STOML1: variants seen among roughly 807,000 people sequenced by gnomAD.
STOML1 encodes stomatin like 1, also known as stomatin-like protein 1.
In STOML1, 27 loss-of-function variants were observed where a neutral mutation model predicts 35.7. The ratio of observed to expected loss-of-function variants is 0.76; its 90% CI spans 0.56 to 1.04. STOML1 has a LOEUF of 1.04. Among genes scored for constraint, STOML1 ranks in the 50% least tolerant of loss-of-function variants. STOML1 has a pLI of 0.00. For synonymous variants in STOML1, 219 were observed against 227.9 expected (o/e 0.96, Z 0.35); for missense variants, 451 against 527.1 (o/e 0.86, Z 1.41).
upstream of STOML1, among the ~76,000 whole-genome samples, chr15:73,993,025 G>A (rs78007107): frequency 0.022 from 3,291 of 152,294 alleles, 111 homozygotes; most frequent in African/African-American, 0.074. Context: ...GTAATGGCCT[G>A]GCCAGGTCAC....
At chr15:73,986,325 G>C (rs148429867) in intron 4 of STOML1, 4 of 151,896 alleles carry the variant, frequency 2.6e-5, no homozygotes, top group African/African-American at 9.7e-5. Flanking sequence ...ACACACGGGG[G>C]TGGGAAGGGA....
Position 73,982,607 on chromosome 15 carries a change from T to G in STOML1, c.*1330A>C, listed in dbSNP as rs7174985. On this transcript the variant is annotated 3_prime_UTR_variant, in exon 7 of 7. Transcript: ENST00000541638. ...GCACCCAGGAAGGGCAGAGACCCCT[T>G]GGGGGAGAGGGAAGTTGCGGTGCCA... is the stretch of plus-strand genomic sequence containing the variant. 57,449 of 152,414 alleles carry G rather than the reference T, an allele frequency of 0.38. 11,396 individuals are homozygous for G. The highest frequency in any genetic ancestry group is 0.49 in the African/African-American group (20,223 of 41,486). 9.4% of individuals were successfully genotyped at this position (152,414 alleles called of 1,614,324 possible).
Position 73,984,138 on chromosome 15 carries a change from G to T in STOML1, c.1004-8C>A. On this transcript the variant is annotated splice_polypyrimidine_tract_variant and splice_region_variant and intron_variant, in intron 6 of 6. Coordinates refer to ENST00000541638, the MANE Select transcript of STOML1 (RefSeq NM_004809.5). Reference sequence around the variant, plus strand: ...GTCCCACTCTTCCTCGTCCTGTGGGGCAAAAGAAAACCGAGTGTCAGTAGG... The same window carrying T: ...GTCCCACTCTTCCTCGTCCTGTGGGTCAAAAGAAAACCGAGTGTCAGTAGG... The T allele has an allele frequency of 6.2e-7, 1 of 1,604,772 alleles. No homozygotes were observed. Among genetic ancestry groups the T allele is most frequent in the African/African-American group, 1.3e-5 (1 of 74,864 alleles).
At position 73,979,386 on chromosome 15, in the gene STOML1, C is replaced by G. The variant is rs1182330360; in HGVS notation, c.*4551G>C. 2.0e-5 allele frequency: 3 copies of G among 152,184 alleles called. No homozygotes were observed. Among genetic ancestry groups the G allele is most frequent in the African/African-American group, 7.2e-5 (3 of 41,442 alleles). The allele number at this position is 152,184 out of a possible 1,614,324, so 9.4% of individuals were successfully genotyped here. A position where few individuals can be genotyped will look rare whatever the true frequency, so the allele number is the denominator to read the frequency against. On this transcript the variant is annotated 3_prime_UTR_variant, in exon 7 of 7. Transcript: ENST00000541638. ...TTTAATTTTGAGATGGAGTCTCACT[C>G]TGTTGCCCAGGCTAAAGTGCAGTGG...
Position 73,984,813 on chromosome 15 carries a change from C to T in STOML1, c.849G>A (p.Arg283=), listed in dbSNP as rs749618398. Residue 283 remains arginine (R), a synonymous_variant, in exon 6 of 7, where the codon AGG becomes AGA. Coordinates refer to ENST00000541638, the MANE Select transcript of STOML1 (RefSeq NM_004809.5). ...VEPPAPQVGA[R]SSPKQPLAEG... is the part of the protein sequence containing the mutation. Reference sequence around the variant, plus strand: ...CCGCCAGAGGCTGCTTCGGACTGGACCTGGCACCAACTTGAGGGGCAGGTG... The same window carrying T: ...CCGCCAGAGGCTGCTTCGGACTGGATCTGGCACCAACTTGAGGGGCAGGTG... 6.2e-6 allele frequency: 10 copies of T among 1,614,004 alleles called. No homozygotes were observed. The Admixed American group carries it at 1.0e-4, about 16-fold the overall frequency.
At chr15:73,991,027 C>T in intron 1 of STOML1, 1 of 1,398,300 alleles carries the variant, frequency 7.2e-7, no homozygotes, top group East Asian at 2.6e-5. Flanking sequence ...CCACACCCAA[C>T]TTTAATGCCT....
At position 73,979,092 on chromosome 15, in the gene STOML1, A is replaced by C. The variant is rs2068931888; in HGVS notation, c.*4845T>G. On this transcript the variant is annotated 3_prime_UTR_variant, in exon 7 of 7. Coordinates refer to ENST00000541638, the MANE Select transcript of STOML1 (RefSeq NM_004809.5). Reference sequence around the variant, plus strand: ...AACATGTATTACTCTCAAAACCATTACAGTGAGGGGGAAAAAGCTAGACAC... The same window carrying C: ...AACATGTATTACTCTCAAAACCATTCCAGTGAGGGGGAAAAAGCTAGACAC... 1 of 152,224 alleles carries C rather than the reference A, an allele frequency of 6.6e-6. No homozygotes were observed. The highest frequency in any genetic ancestry group is 1.5e-5 in the Non-Finnish European group (1 of 68,044). 9.4% of individuals were successfully genotyped at this position (152,224 alleles called of 1,614,324 possible).
chr15:73,984,722 A>G lies in STOML1; in HGVS notation c.940T>C (p.Tyr314His). 1.2e-6 allele frequency: 2 copies of G among 1,614,116 alleles called. No individual in the cohort carries two copies. Among genetic ancestry groups the G allele is most frequent in the East Asian group, 2.2e-5 (1 of 44,880 alleles). The change falls in exon 6 of 7, where the codon TAC (tyrosine) becomes CAC (histidine). Residue 314 changes from tyrosine to histidine, a missense_variant. Tyr to His is a moderately conservative substitution (Grantham distance 83). Transcript: ENST00000541638. ...CTGGGCAGGACGACATTGAACTGGTAGCAGGCCCCGACTTGGCTGACCAGG... is the reference window on the plus strand; with the variant it reads ...CTGGGCAGGACGACATTGAACTGGTGGCAGGCCCCGACTTGGCTGACCAGG... ...EALVSQVGAC[Y>H]QFNVVLPSGT...
Position 73,983,797 on chromosome 15 carries a change from C to T in STOML1, c.*140G>A. On this transcript the variant is annotated 3_prime_UTR_variant, in exon 7 of 7. Transcript: ENST00000541638. Reference sequence around the variant, plus strand: ...GCCGGACTCAGCCTCCTGCAGCCTCCATTCATGGGCTCTTGGCTGGGCCTG... The same window carrying T: ...GCCGGACTCAGCCTCCTGCAGCCTCTATTCATGGGCTCTTGGCTGGGCCTG... 2 of 957,510 alleles carry T rather than the reference C, an allele frequency of 2.1e-6. No individual in the cohort carries two copies. The highest frequency in any genetic ancestry group is 3.1e-6 in the Non-Finnish European group (2 of 655,482). The allele number at this position is 957,510 out of a possible 1,614,324, so 59.3% of individuals were successfully genotyped here. A position where few individuals can be genotyped will look rare whatever the true frequency, so the allele number is the denominator to read the frequency against.
At chr15:73,989,353 C>T in intron 2 of STOML1, 96 bp from the exon 3 acceptor site, 4 of 1,358,624 alleles carry the variant, frequency 2.9e-6, no homozygotes, top group Non-Finnish European at 3.9e-6. Flanking sequence ...TCCTCCTCAC[C>T]TGGGTCACAG....
intron 2 of STOML1, 62 bp downstream of exon 2, chr15:73,990,289 C>A: frequency 3.4e-6 from 5 of 1,471,490 alleles, no homozygotes; most frequent in Non-Finnish European, 4.7e-6. Context: ...CAAATTTATT[C>A]ATCAATGCCA....
At chr15:73,989,971 T>C in intron 2 of STOML1, 1 of 204,782 alleles carries the variant, frequency 4.9e-6, no homozygotes, top group Non-Finnish European at 1.0e-5. Context: ...CCACCCCTTA[T>C]GGAAAATGAG....
In STOML1 at chr15:73,979,040, A is replaced by C. The variant is rs1862081336; in HGVS notation, c.*4897T>G. The stretch of plus-strand genomic sequence containing the variant: ...ATCTAGACAATGGAATGTGTTGGCA[A>C]TACAACAAACTACAGATACACAGAA... On this transcript the variant is annotated 3_prime_UTR_variant, in exon 7 of 7. Coordinates refer to ENST00000541638, the MANE Select transcript of STOML1 (RefSeq NM_004809.5). The C allele has an allele frequency of 6.6e-6, 1 of 152,240 alleles. No homozygotes were observed. Among genetic ancestry groups the C allele is most frequent in the South Asian group, 2.1e-4 (1 of 4,830 alleles). 9.4% of individuals were successfully genotyped at this position (152,240 alleles called of 1,614,324 possible).
chr15:73,990,394 A>C lies in STOML1; in HGVS notation c.197T>G (p.Leu66Arg). ...AGAAATGGGGAAGGTGACCAACAGC[A>C]GCAAGAACCCCAGGAAACTGATGAG... is the stretch of plus-strand genomic sequence containing the variant. The part of the protein sequence containing the change: ...HGLISFLGFL[L>R]LLVTFPISGW... Residue 66 changes from leucine to arginine, a missense_variant, in exon 2 of 7, where the codon CTG becomes CGG. Coordinates refer to ENST00000541638, the MANE Select transcript of STOML1 (RefSeq NM_004809.5). 6.2e-7 allele frequency: 1 copy of C among 1,614,174 alleles called. No homozygotes were observed. The highest frequency in any genetic ancestry group is 8.5e-7 in the Non-Finnish European group (1 of 1,180,014).
At chr15:73,989,019 T>C (rs1567106729) in intron 3 of STOML1, 89 bp downstream of exon 3, 1 of 1,510,096 alleles carries the variant, frequency 6.6e-7, no homozygotes, top group Non-Finnish European at 8.9e-7. Context: ...CCCCCTCAGA[T>C]GGTGACTCAC....
rs114483410 is a variant in STOML1, at chr15:73,988,643, G to T, written c.550C>A (p.Arg184=). 6.2e-7 allele frequency: 1 copy of T among 1,614,210 alleles called. No individual in the cohort carries two copies. Among genetic ancestry groups the T allele is most frequent in the Non-Finnish European group, 8.5e-7 (1 of 1,180,050 alleles). Residue 184 remains arginine, a synonymous_variant, in exon 4 of 7, where the codon CGG becomes AGG. Coordinates refer to ENST00000541638, the MANE Select transcript of STOML1 (RefSeq NM_004809.5). This position sits in a 1 kb window ranked among gnomAD's most constrained non-coding sequence, Gnocchi z 4.8. ...TTGAGCTTCTCCATCTGGATCTCCC[G>T]CAGCGGCCTCTTGAGCAGGGCCTTG... ...MTKALLKRPL[R]EIQMEKLKIS...
chr15:73,988,816 C>A lies in STOML1; in HGVS notation c.391-14G>T. 1 of 1,604,870 alleles carries A rather than the reference C, an allele frequency of 6.2e-7. No individual in the cohort carries two copies. Among genetic ancestry groups the A allele is most frequent in the East Asian group, 2.2e-5 (1 of 44,618 alleles). Reference sequence around the variant, plus strand: ...CTTAGAGGCCAGCTGTTGGGGGAGGCCATGAGAGAGAGACACTCAAGGGGC... The same window carrying A: ...CTTAGAGGCCAGCTGTTGGGGGAGGACATGAGAGAGAGACACTCAAGGGGC... On this transcript the variant is annotated splice_polypyrimidine_tract_variant and intron_variant, in intron 3 of 6. Coordinates refer to ENST00000541638, the MANE Select transcript of STOML1 (RefSeq NM_004809.5). The surrounding 1 kb of genome is among the most constrained non-coding windows in gnomAD (Gnocchi z 4.8).
intron 1 of STOML1, chr15:73,991,811 G>A (rs954293060): frequency 1.7e-6 from 1 of 604,202 alleles, no homozygotes; most frequent in South Asian, 1.8e-5. Context: ...AGGCCTAAAG[G>A]GCTGATAAGA....
At position 73,981,643 on chromosome 15, in the gene STOML1, C is replaced by A. The variant is rs1331267785; in HGVS notation, c.*2294G>T. 6.6e-6 allele frequency: 1 copy of A among 152,212 alleles called. No homozygotes were observed. Among genetic ancestry groups the A allele is most frequent in the East Asian group, 1.9e-4 (1 of 5,186 alleles). The allele number at this position is 152,212 out of a possible 1,614,324, so 9.4% of individuals were successfully genotyped here. On this transcript the variant is annotated 3_prime_UTR_variant, in exon 7 of 7. Coordinates refer to ENST00000541638, the MANE Select transcript of STOML1 (RefSeq NM_004809.5). ...CAGCTGTGCCCTTGCAGGGACTTCTCCTCTGCTGAATGATTTTCCCCATCT... is the reference window on the plus strand; with the variant it reads ...CAGCTGTGCCCTTGCAGGGACTTCTACTCTGCTGAATGATTTTCCCCATCT...
Sources: gnomAD v4.1 joint callset for allele counts (sites outside exome capture counted in the v4.1 genomes callset) on GRCh38, gnomAD v4.1.1 for gene constraint, Gnocchi (gnomAD v3.1) non-coding constraint, MANE v1.5 for transcripts, NCBI Gene and HGNC (gene_info 2026-07-23, HGNC 2026-07-21) for gene names.